Variants in FMNL3 observed in about 807,000 individuals in gnomAD.
The protein encoded by FMNL3 is formin-like protein 3.
Under a neutral mutation model 119.6 loss-of-function variants are expected in FMNL3, and 57 were observed. The ratio of observed to expected loss-of-function variants is 0.48; its 90% CI spans 0.39 to 0.59. The LOEUF is 0.59. Among genes scored for constraint, FMNL3 ranks in the 20% least tolerant of loss-of-function variants. The pLI is 0.00. For missense variants in FMNL3, 1,053 were observed against 1,323.5 expected (o/e 0.80, Z 3.17); for synonymous variants, 491 against 507.3 (o/e 0.97, Z 0.43).
intron 1 of FMNL3, among the ~76,000 whole-genome samples, chr12:49,698,111 G>A (rs1469360421): frequency 6.6e-6 from 1 of 152,134 alleles, no homozygotes; most frequent in Non-Finnish European, 1.5e-5. Flanking sequence ...CTTTCTTAGA[G>A]AGGCACCGTA....
At chr12:49,683,423 T>C (rs1944385084) in intron 1 of FMNL3, among the ~76,000 whole-genome samples, 1 of 152,168 alleles carries the variant, frequency 6.6e-6, no homozygotes, top group Non-Finnish European at 1.5e-5. Flanking sequence ...TCTAGCAAGC[T>C]AGAAATCTGG....
At chr12:49,659,133 C>T (rs1323971820) in intron 5 of FMNL3, among the ~76,000 whole-genome samples, 3 of 152,228 alleles carry the variant, frequency 2.0e-5, no homozygotes, top group Non-Finnish European at 4.4e-5. Context: ...AAAGGGGGTT[C>T]TGGCAAACCC....
chr12:49,701,011 G>A (rs1348966772), intron 1 of FMNL3, among the ~76,000 whole-genome samples: 5 of 147,882 alleles, frequency 3.4e-5, no homozygotes. Context: ...CCCAGGAGAT[G>A]GAGGTTGCAG....
chr12:49,680,925 A>G (rs538319153), intron 1 of FMNL3, among the ~76,000 whole-genome samples: 1 of 152,350 alleles, frequency 6.6e-6, no homozygotes, highest in African/African-American at 2.4e-5. Flanking sequence ...AAGGTTTTCT[A>G]CCATGTTCGC....
At chr12:49,687,392 CCT>C (rs1326929474) in intron 1 of FMNL3, among the ~76,000 whole-genome samples, 1 of 151,496 alleles carries the variant, frequency 6.6e-6, no homozygotes, top group Non-Finnish European at 1.5e-5. Context: ...GCGCCTGGCC[CCT>C]CTCTCTTATT....
chr12:49,649,838 T>G lies in FMNL3; in HGVS notation c.2088A>C (p.Gln696His), dbSNP rs760949899. 1.2e-6 allele frequency: 2 copies of G among 1,614,200 alleles called. No individual in the cohort carries two copies. Among genetic ancestry groups the G allele is most frequent in the Non-Finnish European group, 1.7e-6 (2 of 1,180,038 alleles). ...CCAGGGGCTGCCGCTCCCGCTCATA[T>G]TGCCGCAGCAGCTTTACCTCAGCCT... is the stretch of plus-strand genomic sequence containing the variant. ...PTEAEVKLLR[Q>H]YERERQPLEE... The change falls in exon 18 of 26, where the codon CAA (glutamine) becomes CAC (histidine). Residue 696 changes from glutamine (Q) to histidine (H), a missense_variant. Coordinates refer to ENST00000335154, the MANE Select transcript of FMNL3 (RefSeq NM_175736.5). This position sits in a 1 kb window ranked among gnomAD's most constrained non-coding sequence, Gnocchi z 5.6.
intron 1 of FMNL3, among the ~76,000 whole-genome samples, chr12:49,693,664 T>TTTTTTG (rs1944674046): frequency 7.0e-6 from 1 of 142,702 alleles, no homozygotes; most frequent in African/African-American, 2.7e-5. Context: ...TTTTTTTTTT[T>TTTTTTG]TGAGACAGAG....
At chr12:49,672,406 C>T (rs535071138) in intron 1 of FMNL3, among the ~76,000 whole-genome samples, 1 of 152,340 alleles carries the variant, frequency 6.6e-6, no homozygotes, top group East Asian at 1.9e-4. Context: ...CTGAAAGCAA[C>T]TCTGGGACCG....
rs550847071 is a variant in FMNL3, at chr12:49,680,675, C to T, written c.127-12121G>A. Among the ~76,000 whole-genome samples the T allele has an allele frequency of 2.6e-5, 4 of 152,326 alleles. No homozygotes were observed. In the South Asian group the frequency reaches 6.2e-4, roughly 24 times the overall value. On this transcript the variant is annotated intron_variant, in intron 1 of 25. Coordinates refer to ENST00000335154, the MANE Select transcript of FMNL3 (RefSeq NM_175736.5). ...TAACCTTTTGAGAGTTCCCTCCCCA[C>T]GACCCAAATCTTCTCTGCTTCTTGA...
chr12:49,695,753 A>T (rs1423616384), intron 1 of FMNL3, among the ~76,000 whole-genome samples: 1 of 152,208 alleles, frequency 6.6e-6, no homozygotes, highest in Non-Finnish European at 1.5e-5. Flanking sequence ...GTCCCCCAAA[A>T]GATGTAAATT....
chr12:49,658,481 G>A lies in FMNL3; in HGVS notation c.566C>T (p.Thr189Ile), dbSNP rs1202706009. 2 of 1,613,028 alleles carry A rather than the reference G, an allele frequency of 1.2e-6. No individual in the cohort carries two copies. The highest frequency in any genetic ancestry group is 1.7e-6 in the Non-Finnish European group (2 of 1,179,350). Reference sequence around the variant, plus strand: ...GCGCGCAGAGCGAGCGAGGCTGTTGGTGAAGGGGGCCGACAGGGCGCTGGG... The same window carrying A: ...GCGCGCAGAGCGAGCGAGGCTGTTGATGAAGGGGGCCGACAGGGCGCTGGG... ...QPPSALSAPF[T>I]NSLARSARQS... The change falls in exon 6 of 26, where the codon ACC (threonine) becomes ATC (isoleucine). Residue 189 changes from threonine to isoleucine, a missense_variant. Coordinates refer to ENST00000335154, the MANE Select transcript of FMNL3 (RefSeq NM_175736.5).
rs1285884475 is a variant in FMNL3, at chr12:49,642,666, G to A, written c.*3149C>T. Reference sequence around the variant, plus strand: ...TCCGGCTCTTCCGGGAGTTCCTACAGGTGCTGGAGGTGAGGCAGGCTTGTC... The same window carrying A: ...TCCGGCTCTTCCGGGAGTTCCTACAAGTGCTGGAGGTGAGGCAGGCTTGTC... On this transcript the variant is annotated 3_prime_UTR_variant, in exon 26 of 26. Transcript: ENST00000335154. This position sits in a 1 kb window ranked among gnomAD's most constrained non-coding sequence, Gnocchi z 5.8. 1.9e-6 allele frequency: 3 copies of A among 1,613,968 alleles called. No individual in the cohort carries two copies. The highest frequency in any genetic ancestry group is 2.2e-5 in the South Asian group (2 of 91,018).
rs914746976 is a variant in FMNL3, at chr12:49,639,172, G to A, written c.*6643C>T. 2.0e-5 allele frequency: 3 copies of A among 152,136 alleles called. No individual in the cohort carries two copies. The highest frequency in any genetic ancestry group is 4.4e-5 in the Non-Finnish European group (3 of 68,012). 9.4% of individuals were successfully genotyped at this position (152,136 alleles called of 1,614,324 possible). On this transcript the variant is annotated 3_prime_UTR_variant, in exon 26 of 26. Coordinates refer to ENST00000335154, the MANE Select transcript of FMNL3 (RefSeq NM_175736.5). ...GAACCGGGGAATGATCAGATTAGAT[G>A]GTGTATAGTAGAACCTTTCAGTCTA...
chr12:49,681,247 C>CTGGA, intron 1 of FMNL3, among the ~76,000 whole-genome samples: 1 of 152,378 alleles, frequency 6.6e-6, no homozygotes, highest in African/African-American at 2.4e-5. Context: ...GTCGCCCAGG[C>CTGGA]TGGAGCGCAG....
chr12:49,645,809 A>C lies in FMNL3; in HGVS notation c.*6T>G. ...GGGGTGAAGTGCTTCTGCCTCCGAG[A>C]GGGTCTCAGTGGGGGCCTGGAGCCC... On this transcript the variant is annotated 3_prime_UTR_variant, in exon 26 of 26. Transcript: ENST00000335154. The C allele has an allele frequency of 3.1e-6, 5 of 1,596,554 alleles. No homozygotes were observed. Among genetic ancestry groups the C allele is most frequent in the Non-Finnish European group, 4.3e-6 (5 of 1,174,524 alleles).
In FMNL3 at chr12:49,707,208, GC is replaced by G. The variant is rs150630078; in HGVS notation, c.-29del. 3 of 1,479,786 alleles carry G rather than the reference GC, an allele frequency of 2.0e-6. No individual in the cohort carries two copies. Among genetic ancestry groups the G allele is most frequent in the Admixed American group, 2.5e-5 (1 of 39,566 alleles). The allele number at this position is 1,479,786 out of a possible 1,614,324, so 91.7% of individuals were successfully genotyped here. A position where few individuals can be genotyped will look rare whatever the true frequency, so the allele number is the denominator to read the frequency against. ...CGGCGGGGCCCCCTCAGGGGCCTCG[GC>G]CCCCCACCTCCACGCTCCGGAGCTT... On this transcript the variant is annotated 5_prime_UTR_variant, in exon 1 of 26. Coordinates refer to ENST00000335154, the MANE Select transcript of FMNL3 (RefSeq NM_175736.5).
At chr12:49,706,866 A>G (rs1315760027) in intron 1 of FMNL3, among the ~76,000 whole-genome samples, 189 bp downstream of exon 1, 1 of 151,110 alleles carries the variant, frequency 6.6e-6, no homozygotes, top group Admixed American at 6.6e-5. Context: ...CGGTCCCGAG[A>G]TCCCCGACGG....
Position 49,648,249 on chromosome 12 carries a change from G to A in FMNL3, c.2620C>T (p.Leu874Phe), listed in dbSNP as rs1253079552. The A allele has an allele frequency of 1.9e-6, 3 of 1,613,972 alleles. No homozygotes were observed. In the African/African-American group the frequency reaches 4.0e-5, roughly 22 times the overall value. The part of the protein sequence containing the change: ...IHDNSVLRNF[L>F]STNEGKLDKL... ...TCTAGTTTGCCTTCATTGGTACTGA[G>A]GAAGTTCCGGAGGACGCTGTTGTCA... The change falls in exon 22 of 26, where the codon CTC becomes TTC. Residue 874 changes from leucine to phenylalanine, a missense_variant. Coordinates refer to ENST00000335154, the MANE Select transcript of FMNL3 (RefSeq NM_175736.5).
intron 1 of FMNL3, among the ~76,000 whole-genome samples, chr12:49,669,358 A>G (rs986339411): frequency 1.3e-5 from 2 of 152,202 alleles, no homozygotes; most frequent in Admixed American, 1.3e-4. Context: ...TATCTTGTTC[A>G]CCACTGTTTG....
Sources: gnomAD v4.1 joint callset for allele counts (sites outside exome capture counted in the v4.1 genomes callset) on GRCh38, gnomAD v4.1.1 for gene constraint, Gnocchi (gnomAD v3.1) non-coding constraint, MANE v1.5 for transcripts, NCBI Gene and HGNC (gene_info 2026-07-23, HGNC 2026-07-21) for gene names.